Variants in ODF2 observed in about 807,000 individuals in gnomAD.
The protein encoded by ODF2 is outer dense fiber of sperm tails 2.
In ODF2, 47 loss-of-function variants were observed where a neutral mutation model predicts 110.2. The ratio of observed to expected loss-of-function variants is 0.43; its 90% CI spans 0.34 to 0.54. The LOEUF is 0.54. ODF2 is among the 20% of genes least tolerant of loss of function. ODF2 has a pLI of 0.03. For missense variants in ODF2, 812 were observed against 1,054.5 expected (o/e 0.77, Z 3.19); for synonymous variants, 352 against 397.7 (o/e 0.89, Z 1.37).
chr9:128,471,570 C>G, intron 6 of ODF2, 102 bp downstream of exon 6: 2 of 1,102,286 alleles, frequency 1.8e-6, no homozygotes, highest in Non-Finnish European at 2.6e-6. Context: ...TGGGCACAGG[C>G]ACTGTGCCTG....
At chr9:128,456,417 C>A (rs1301257938) in intron 1 of ODF2, 162 bp downstream of exon 1, 1 of 1,480,726 alleles carries the variant, frequency 6.8e-7, no homozygotes, top group African/African-American at 1.5e-5. Context: ...GGGCCCCCGC[C>A]CCGCCCACCG....
At chr9:128,472,186 A>G (rs1306392213) in intron 6 of ODF2, among the ~76,000 whole-genome samples, 1 of 152,132 alleles carries the variant, frequency 6.6e-6, no homozygotes, top group Non-Finnish European at 1.5e-5. Context: ...AGGCTGAGGC[A>G]GGAGAACTGC....
rs775334516 is a variant in ODF2, at chr9:128,459,658, G to A, written c.123+1G>A. The A allele has an allele frequency of 6.2e-7, 1 of 1,610,436 alleles. No homozygotes were observed. Among genetic ancestry groups the A allele is most frequent in the Non-Finnish European group, 8.5e-7 (1 of 1,176,774 alleles). On this transcript the variant is annotated splice_donor_variant, in intron 3 of 20. Coordinates refer to ENST00000604420, the Ensembl canonical transcript of ODF2. LOFTEE classifies it high-confidence loss of function. The stretch of plus-strand genomic sequence containing the variant: ...TGGCGCACCCAGTGTAACTGTGACG[G>A]TAGGTGATGCACTCACGTAGCAGCC...
Position 128,461,064 on chromosome 9 carries a change from G to A in ODF2, c.246G>A (p.Trp82Ter). ...CTGCCCGGCCTGTGGGATGCAAGTG[G>A]GAGGTAGGCTCACCCTTGCCCAGGC... The change falls in exon 4 of 21, where the codon TGG (tryptophan) becomes TGA (stop). Residue 82 changes from tryptophan to a stop codon, truncating the protein, a stop_gained. Coordinates refer to ENST00000604420, the Ensembl canonical transcript of ODF2. LOFTEE classifies it high-confidence loss of function. 6.2e-7 allele frequency: 1 copy of A among 1,614,060 alleles called. No individual in the cohort carries two copies. Among genetic ancestry groups the A allele is most frequent in the Non-Finnish European group, 8.5e-7 (1 of 1,179,984 alleles).
chr9:128,487,804 A>C (rs921588158), intron 13 of ODF2, 86 bp from the exon 14 acceptor site: 73 of 78,612 alleles, frequency 9.3e-4, no homozygotes, highest in Middle Eastern at 7.2e-3. Flanking sequence ...AAACAAACAA[A>C]ACACACACAC....
chr9:128,458,865 A>G (rs1272137051), intron 2 of ODF2, among the ~76,000 whole-genome samples: 2 of 151,892 alleles, frequency 1.3e-5, no homozygotes, highest in Non-Finnish European at 2.9e-5. Context: ...GTTGTTTTGA[A>G]ACGGGGTCTC....
exon 20 of ODF2, chr9:128,499,038 G>C: frequency 6.2e-7 from 1 of 1,614,150 alleles, no homozygotes; most frequent in Non-Finnish European, 8.5e-7. Flanking sequence ...TCCAAGGAGC[G>C]AGCAGCCCAG....
At chr9:128,497,279 G>A (rs1261876194) in intron 18 of ODF2, among the ~76,000 whole-genome samples, 1 of 150,766 alleles carries the variant, frequency 6.6e-6, no homozygotes, top group Non-Finnish European at 1.5e-5. Flanking sequence ...GAGAGCTTCT[G>A]TGAGCATCTC....
chr9:128,459,761 C>T, intron 3 of ODF2, 104 bp downstream of exon 2: 1 of 767,618 alleles, frequency 1.3e-6, no homozygotes. Context: ...ACCATCGCCG[C>T]CCAGTTGCTC....
rs1488329082 is a variant in ODF2, at chr9:128,497,444, AAAATATATATATATATATATATAT to A, written c.2013-967_2013-944del. 25 of 72,258 alleles carry A rather than the reference AAAATATATATATATATATATATAT, an allele frequency of 3.5e-4. 2 individuals carry two copies. The highest frequency in any genetic ancestry group is 1.7e-3 in the African/African-American group (17 of 9,962). The allele number at this position is 72,258 out of a possible 1,614,324, so 4.5% of individuals were successfully genotyped here. ...CTACTAAAAAAAAAAAAAAAAAAAA[AAAATATATATATATATATATATAT>A]ATATATATATATATATATGTATAAA... is the stretch of plus-strand genomic sequence containing the variant. On this transcript the variant is annotated intron_variant, in intron 18 of 20. Transcript: ENST00000604420.
chr9:128,492,910 C>A, intron 16 of ODF2, 105 bp downstream of exon 16: 1 of 925,712 alleles, frequency 1.1e-6, no homozygotes, highest in Non-Finnish European at 1.7e-6. Context: ...CTGATTTGGG[C>A]AACAAAGGTG....
chr9:128,483,827 A>T, intron 10 of ODF2, 111 bp from the exon 11 acceptor site: 1 of 763,964 alleles, frequency 1.3e-6, no homozygotes, highest in East Asian at 2.5e-5. Context: ...TGGAGGTTGC[A>T]GTGAGCTGAG....
chr9:128,496,128 G>A (rs2132288376), exon 18 of ODF2: 2 of 1,613,970 alleles, frequency 1.2e-6, no homozygotes, highest in South Asian at 1.1e-5. Flanking sequence ...TCTGAAGGTG[G>A]ATGAACTGGA....
chr9:128,460,351 TCTG>T lies in ODF2; in HGVS notation c.124-587_124-585del. On this transcript the variant is annotated intron_variant, in intron 3 of 20. Coordinates refer to ENST00000604420, the Ensembl canonical transcript of ODF2. ...TGGACCAGAATCTCCCTTGTGGTCTTCTGCTGGGATCTCTGCAGGAGCCTGCTG... is the reference window on the plus strand; with the variant it reads ...TGGACCAGAATCTCCCTTGTGGTCTTCTGGGATCTCTGCAGGAGCCTGCTG... The T allele has an allele frequency of 4.9e-6, 7 of 1,426,750 alleles. No individual in the cohort carries two copies. The South Asian group carries it at 8.9e-5, about 18-fold the overall frequency. 88.4% of individuals were successfully genotyped at this position (1,426,750 alleles called of 1,614,324 possible).
exon 6 of ODF2, chr9:128,471,379 G>T (rs1409617451): frequency 6.2e-7 from 1 of 1,613,440 alleles, no homozygotes; most frequent in Non-Finnish European, 8.5e-7. Context: ...AGCTGGAGGA[G>T]GTGGCCCACG....
chr9:128,469,747 C>T (rs958044880), intron 5 of ODF2, among the ~76,000 whole-genome samples: 3 of 151,518 alleles, frequency 2.0e-5, no homozygotes, highest in African/African-American at 7.3e-5. Flanking sequence ...GTAATCCCAG[C>T]ACTTTGGGAG....
Position 128,469,355 on chromosome 9 carries a change from T to G in ODF2, c.420+2T>G. 6.2e-7 allele frequency: 1 copy of G among 1,613,952 alleles called. No individual in the cohort carries two copies. The highest frequency in any genetic ancestry group is 8.5e-7 in the Non-Finnish European group (1 of 1,179,830). On this transcript the variant is annotated splice_donor_variant, in intron 5 of 20. Transcript: ENST00000604420. LOFTEE classifies it high-confidence loss of function. Reference sequence around the variant, plus strand: ...GCGGTTGGTTGTCTGAAGTCTGAGGTGAGGGAGGTAGGGGGCTGGGATAGC... The same window carrying G: ...GCGGTTGGTTGTCTGAAGTCTGAGGGGAGGGAGGTAGGGGGCTGGGATAGC...
intron 2 of ODF2, chr9:128,457,459 C>T: frequency 6.2e-7 from 1 of 1,601,616 alleles, no homozygotes; most frequent in Non-Finnish European, 8.5e-7. Flanking sequence ...GTGGGAGGCG[C>T]CTGCGCCGGA....
In ODF2 at chr9:128,500,390, T is replaced by G. The variant is rs1252961712; in HGVS notation, c.*135T>G. On this transcript the variant is annotated 3_prime_UTR_variant, in exon 21 of 21. Transcript: ENST00000604420. ...CAGGGTCTTGTCCTTAGCTACTAGCTCTAGAAAAGTCCCAAAAGCAGCAGA... is the reference window on the plus strand; with the variant it reads ...CAGGGTCTTGTCCTTAGCTACTAGCGCTAGAAAAGTCCCAAAAGCAGCAGA... 3.9e-6 allele frequency: 3 copies of G among 772,242 alleles called. No homozygotes were observed. In the African/African-American group the frequency reaches 5.2e-5, roughly 13 times the overall value. The allele number at this position is 772,242 out of a possible 1,614,324, so 47.8% of individuals were successfully genotyped here. A position where few individuals can be genotyped will look rare whatever the true frequency, so the allele number is the denominator to read the frequency against.
Sources: allele counts gnomAD v4.1 joint callset (sites outside exome capture counted in the v4.1 genomes callset), GRCh38; gene constraint gnomAD v4.1.1; transcripts MANE v1.5; gene names NCBI Gene and HGNC (gene_info 2026-07-23, HGNC 2026-07-21).